HSD17B4: variants seen among roughly 807,000 people sequenced by gnomAD.
The protein encoded by HSD17B4 is peroxisomal multifunctional enzyme type 2.
In HSD17B4, 70 loss-of-function variants were observed where a neutral mutation model predicts 101.0. That is an observed-to-expected ratio of 0.69 (90% CI 0.57 to 0.85). HSD17B4 has a LOEUF of 0.85. Ranked by LOEUF, HSD17B4 falls within the 40% of genes least tolerant of loss-of-function variation. The pLI is 0.00. For synonymous variants in HSD17B4, 347 were observed against 297.1 expected, an observed-to-expected ratio of 1.17 and a Z score of -1.73; for missense variants, 984 against 892.4, an observed-to-expected ratio of 1.10 and a Z score of -1.31.
In HSD17B4 at chr5:119,456,332, G is replaced by A; in HGVS notation, c.76G>A (p.Ala26Thr). 3.1e-6 allele frequency: 5 copies of A among 1,611,720 alleles called. No individual in the cohort carries two copies. The highest frequency in any genetic ancestry group is 1.7e-4 in the Middle Eastern group (1 of 6,060). Residue 26 changes from alanine to threonine, a missense_variant, in exon 2 of 24, where the codon GCC becomes ACC. Coordinates refer to ENST00000510025, the MANE Select transcript of HSD17B4 (RefSeq NM_000414.4). ...TTGATTAGGATTGGGCCGAGCCTATGCCCTGGCTTTTGCAGAAAGAGGAGC... is the reference window on the plus strand; with the variant it reads ...TTGATTAGGATTGGGCCGAGCCTATACCCTGGCTTTTGCAGAAAGAGGAGC... The part of the protein sequence containing the change: ...GAGAGLGRAY[A>T]LAFAERGALV...
chr5:119,478,557 A>C (rs1017043326), intron 7 of HSD17B4, among the ~76,000 whole-genome samples: 2 of 152,162 alleles, frequency 1.3e-5, no homozygotes, highest in African/African-American at 2.4e-5. Context: ...ATTTTAACTT[A>C]CATGTTACCA....
chr5:119,525,201 A>C lies in HSD17B4; in HGVS notation c.1504-15A>C. On this transcript the variant is annotated splice_polypyrimidine_tract_variant and intron_variant, in intron 17 of 23. Coordinates refer to ENST00000510025, the MANE Select transcript of HSD17B4 (RefSeq NM_000414.4). ...AAAACACTGAGTTCTAGTTATGTTT[A>C]TGCTTTCTCCACAGGCTGCTTTGTA... 6.3e-7 allele frequency: 1 copy of C among 1,594,578 alleles called. No homozygotes were observed. The highest frequency in any genetic ancestry group is 1.7e-4 in the Middle Eastern group (1 of 6,024).
At chr5:119,457,553 A>T (rs1342549802) in intron 2 of HSD17B4, among the ~76,000 whole-genome samples, 9 of 152,152 alleles carry the variant, frequency 5.9e-5, no homozygotes. Flanking sequence ...ATGAATTTTG[A>T]CATTGTATTA....
intron 2 of HSD17B4, among the ~76,000 whole-genome samples, chr5:119,469,264 C>G (rs1580533072): frequency 6.8e-6 from 1 of 146,294 alleles, no homozygotes; most frequent in Middle Eastern, 3.6e-3. Flanking sequence ...AGTTGTGTTT[C>G]TTTGGAGGTG....
chr5:119,496,769 A>G, intron 12 of HSD17B4, 123 bp downstream of exon 12: 3 of 771,836 alleles, frequency 3.9e-6, no homozygotes, highest in South Asian at 1.4e-5. Context: ...ACTTTCTTTC[A>G]GTCTCTAATA....
At chr5:119,536,600 T>TGACA (rs1754563699) in intron 23 of HSD17B4, 50 bp downstream of exon 23, 1 of 1,587,040 alleles carries the variant, frequency 6.3e-7, no homozygotes, top group South Asian at 1.1e-5. Flanking sequence ...TTTCCTCTTT[T>TGACA]GACAATTGCA....
intron 1 of HSD17B4, among the ~76,000 whole-genome samples, chr5:119,453,376 G>A (rs1311423181): frequency 6.6e-6 from 1 of 152,214 alleles, no homozygotes; most frequent in Non-Finnish European, 1.5e-5. Flanking sequence ...TATTTCAGGA[G>A]CGGCAAAATG....
chr5:119,494,579 A>G (rs1006488368), intron 11 of HSD17B4, among the ~76,000 whole-genome samples: 17 of 152,068 alleles, frequency 1.1e-4, no homozygotes, highest in Non-Finnish European at 4.4e-5. Flanking sequence ...CAGATGTTCA[A>G]CAAAACCGCC....
chr5:119,481,491 T>C (rs1405816807), intron 8 of HSD17B4, among the ~76,000 whole-genome samples: 1 of 152,214 alleles, frequency 6.6e-6, no homozygotes, highest in African/African-American at 2.4e-5. Context: ...GGTTTGATTG[T>C]AGATCACCAC....
chr5:119,505,488 T>C (rs532974178), intron 14 of HSD17B4, among the ~76,000 whole-genome samples: 2 of 152,346 alleles, frequency 1.3e-5, no homozygotes, highest in African/African-American at 2.4e-5. Context: ...TCCTAGATAT[T>C]TTATTTTTTT....
At chr5:119,527,395 T>G (rs1753702506) in intron 20 of HSD17B4, among the ~76,000 whole-genome samples, 176 bp downstream of exon 20, 1 of 152,090 alleles carries the variant, frequency 6.6e-6, no homozygotes, top group African/African-American at 2.4e-5. Flanking sequence ...CAGGCAACAC[T>G]TAATAAAATA....
At chr5:119,466,360 T>A (rs1373037315) in intron 2 of HSD17B4, among the ~76,000 whole-genome samples, 2 of 152,182 alleles carry the variant, frequency 1.3e-5, no homozygotes, top group South Asian at 4.1e-4. Context: ...CCCCTTCAAT[T>A]TTTTGAAATA....
chr5:119,523,022 G>GA (rs1753252070), intron 17 of HSD17B4, among the ~76,000 whole-genome samples: 1 of 150,280 alleles, frequency 6.7e-6, no homozygotes, highest in Non-Finnish European at 1.5e-5. Flanking sequence ...AGCACTGATA[G>GA]AAAAGTGGTG....
intron 11 of HSD17B4, 88 bp from the exon 12 acceptor site, chr5:119,496,455 T>C (rs1750655371): frequency 3.8e-6 from 3 of 792,072 alleles, no homozygotes; most frequent in Admixed American, 3.6e-5. Flanking sequence ...CTGAATGTTA[T>C]AGGAATAATT....
At chr5:119,539,826 G>C (rs913449651) in intron 23 of HSD17B4, among the ~76,000 whole-genome samples, 1 of 150,814 alleles carries the variant, frequency 6.6e-6, no homozygotes, top group Non-Finnish European at 1.5e-5. Context: ...ACAATGTCTC[G>C]TGCCTGTAGT....
In HSD17B4 at chr5:119,453,540, A is replaced by G. The variant is rs145272504; in HGVS notation, c.58+907A>G. ...CTCCAAGTGCAGGGATCTTGACATT[A>G]TGCACCTTTGATTCTCCACTGGTAG... On this transcript the variant is annotated intron_variant, in intron 1 of 23. Coordinates refer to ENST00000510025, the MANE Select transcript of HSD17B4 (RefSeq NM_000414.4). Among the ~76,000 whole-genome samples, 116 of 152,334 alleles carry G rather than the reference A, an allele frequency of 7.6e-4. 1 individual carries two copies. Among genetic ancestry groups the G allele is most frequent in the African/African-American group, 2.7e-3 (112 of 41,572 alleles).
At chr5:119,461,710 G>A (rs1198051550) in intron 2 of HSD17B4, among the ~76,000 whole-genome samples, 1 of 145,338 alleles carries the variant, frequency 6.9e-6, no homozygotes, top group Admixed American at 6.9e-5. Flanking sequence ...AGCAAGGCCC[G>A]CTGTCTTTGC....
intron 22 of HSD17B4, among the ~76,000 whole-genome samples, chr5:119,532,902 C>G (rs1053506644): frequency 6.6e-6 from 1 of 152,040 alleles, no homozygotes; most frequent in Non-Finnish European, 1.5e-5. Context: ...TGAAGTGTGA[C>G]TTGAACTTAT....
At chr5:119,530,926 A>G (rs1754042580) in intron 21 of HSD17B4, among the ~76,000 whole-genome samples, 1 of 151,256 alleles carries the variant, frequency 6.6e-6, no homozygotes, top group Admixed American at 6.6e-5. Context: ...GACTTCATGT[A>G]ATTTAGTATT....
Sources: gnomAD v4.1 joint callset for allele counts (sites outside exome capture counted in the v4.1 genomes callset) on GRCh38, gnomAD v4.1.1 for gene constraint, MANE v1.5 for transcripts, NCBI Gene and HGNC (gene_info 2026-07-23, HGNC 2026-07-21) for gene names.